Variants in JAML observed in about 807,000 individuals in gnomAD.
The protein encoded by JAML is junctional adhesion molecule-like.
Under a neutral mutation model 39.3 loss-of-function variants are expected in JAML, and 25 were observed. The observed-to-expected ratio is 0.64, with a 90% CI of 0.46 to 0.89. JAML has a LOEUF of 0.89. Among genes scored for constraint, JAML ranks in the 40% least tolerant of loss-of-function variants. JAML has a pLI of 0.00. For synonymous variants in JAML, 162 were observed against 179.2 expected, an observed-to-expected ratio of 0.90 and a Z score of 0.77; for missense variants, 440 against 486.9, an observed-to-expected ratio of 0.90 and a Z score of 0.91.
chr11:118,214,947 A>T (rs570623051), intron 1 of JAML, 61 bp from the exon 2 acceptor site: 8 of 1,488,588 alleles, frequency 5.4e-6, no homozygotes, highest in Non-Finnish European at 7.5e-6. Context: ...AATTTAAAAA[A>T]CCAATAGTGA....
chr11:118,199,418 C>A (rs950366559), intron 7 of JAML, among the ~76,000 whole-genome samples: 3 of 152,094 alleles, frequency 2.0e-5, no homozygotes, highest in Non-Finnish European at 4.4e-5. Flanking sequence ...ACTTAGCAGG[C>A]ACAAGTGTTT....
At chr11:118,203,695 T>G in intron 5 of JAML, 30 bp from the exon 6 acceptor site, 1 of 1,571,948 alleles carries the variant, frequency 6.4e-7, no homozygotes, top group Non-Finnish European at 8.8e-7. Flanking sequence ...AGTATGATAT[T>G]GTGAGGACTG....
chr11:118,195,909 G>T (rs576681761), intron 9 of JAML, among the ~76,000 whole-genome samples: 1 of 151,700 alleles, frequency 6.6e-6, no homozygotes, highest in Non-Finnish European at 1.5e-5. Context: ...TTAGCTCACT[G>T]CAACCTCCAC....
In JAML at chr11:118,200,468, C is replaced by G. The variant is rs1360151197; in HGVS notation, c.911+6G>C. The G allele has an allele frequency of 6.2e-7, 1 of 1,613,896 alleles. No homozygotes were observed. Among genetic ancestry groups the G allele is most frequent in the Non-Finnish European group, 8.5e-7 (1 of 1,180,002 alleles). ...CCCAATCCAAGGGGTGGGGGTAGCCCTGTACCTCTTATTTCCACAGGTCTT... is the reference window on the plus strand; with the variant it reads ...CCCAATCCAAGGGGTGGGGGTAGCCGTGTACCTCTTATTTCCACAGGTCTT... On this transcript the variant is annotated splice_donor_region_variant and intron_variant, in intron 7 of 9. Transcript: ENST00000356289.
In JAML at chr11:118,214,949, C is replaced by A. The variant is rs539632764; in HGVS notation, c.-20-63G>T. 5.4e-6 allele frequency: 8 copies of A among 1,476,798 alleles called. No homozygotes were observed. The East Asian group carries it at 1.6e-4, about 29-fold the overall frequency. The allele number at this position is 1,476,798 out of a possible 1,614,324, so 91.5% of individuals were successfully genotyped here. A position where few individuals can be genotyped will look rare whatever the true frequency, so the allele number is the denominator to read the frequency against. ...AGAGAAGCTCATTAATTTAAAAAAC[C>A]AATAGTGAAGGACTATACGGAGCAG... On this transcript the variant is annotated intron_variant, in intron 1 of 9. Coordinates refer to ENST00000356289, the MANE Select transcript of JAML (RefSeq NM_001098526.2).
intron 1 of JAML, among the ~76,000 whole-genome samples, chr11:118,215,673 C>T (rs1573576): frequency 0.74 from 106,328 of 144,424 alleles, 37,799 homozygotes; most frequent in South Asian, 0.83. Context: ...TCTTATTTTT[C>T]TTTTTAACTT....
chr11:118,216,504 T>G (rs1469192633), intron 1 of JAML, among the ~76,000 whole-genome samples: 1 of 152,160 alleles, frequency 6.6e-6, no homozygotes, highest in Non-Finnish European at 1.5e-5. Flanking sequence ...CACAGAGAAG[T>G]CAGCTGATCT....
At chr11:118,215,627 G>A (rs982153728) in intron 1 of JAML, among the ~76,000 whole-genome samples, 2 of 151,928 alleles carry the variant, frequency 1.3e-5, no homozygotes, top group African/African-American at 2.4e-5. Flanking sequence ...GATTACAGGC[G>A]TGGGCCACTG....
chr11:118,223,835 A>G (rs1038084450), intron 1 of JAML, among the ~76,000 whole-genome samples: 20 of 152,172 alleles, frequency 1.3e-4, no homozygotes, highest in African/African-American at 4.6e-4. Context: ...TTCAGAAAAG[A>G]GACATGCTAC....
At chr11:118,198,450 G>A (rs188066025) in intron 7 of JAML, among the ~76,000 whole-genome samples, 163 of 152,208 alleles carry the variant, frequency 1.1e-3, no homozygotes, top group Non-Finnish European at 2.1e-3. Flanking sequence ...GGACCAGGGA[G>A]TGCCGCGAAA....
chr11:118,210,415 A>G, intron 4 of JAML, 72 bp downstream of exon 4: 2 of 1,460,664 alleles, frequency 1.4e-6, no homozygotes, highest in Non-Finnish European at 1.9e-6. Context: ...TACTCAAGAT[A>G]ATCAGTTTCC....
chr11:118,203,152 A>G, intron 6 of JAML: 2 of 586,946 alleles, frequency 3.4e-6, no homozygotes, highest in South Asian at 3.0e-5. Context: ...GACCCTGGCA[A>G]TGAGTGGGGT....
rs1565483189 is a variant in JAML, at chr11:118,212,551, C to G, written c.54G>C (p.Leu18Phe). 4.3e-6 allele frequency: 7 copies of G among 1,613,942 alleles called. No homozygotes were observed. Among genetic ancestry groups the G allele is most frequent in the Non-Finnish European group, 5.9e-6 (7 of 1,180,010 alleles). The change falls in exon 3 of 10, where the codon TTG becomes TTC. Residue 18 changes from leucine (L) to phenylalanine (F), a missense_variant. Coordinates refer to ENST00000356289, the MANE Select transcript of JAML (RefSeq NM_001098526.2). ...ILLPVLLDYS[L>F]GLNDLNVSPP... ...GGGAAACATTCAAGTCATTCAGGCC[C>G]AAGGAATAATCTATAGAAGTCAAAG...
At chr11:118,199,620 C>G (rs757145964) in intron 7 of JAML, among the ~76,000 whole-genome samples, 4 of 151,968 alleles carry the variant, frequency 2.6e-5, no homozygotes, top group Non-Finnish European at 5.9e-5. Context: ...GTTGGAGCAT[C>G]TGGGCACTTC....
rs377011204 is a variant in JAML, at chr11:118,212,426, G to A, written c.179C>T (p.Ser60Leu). 6.2e-7 allele frequency: 1 copy of A among 1,614,028 alleles called. No individual in the cohort carries two copies. The highest frequency in any genetic ancestry group is 1.1e-5 in the South Asian group (1 of 91,082). Reference protein sequence around the residue: ...KCIFKIDWTLSPGEHAKDEYV... With the variant: ...KCIFKIDWTLLPGEHAKDEYV... ...CGTTACCTTGGCGTGCTCTCCTGGT[G>A]ACAGAGTCCAGTCTATCTTGAATAT... The change falls in exon 3 of 10, where the codon TCA becomes TTA. Residue 60 changes from serine to leucine, a missense_variant. Physicochemically the swap from Ser to Leu is moderately radical, Grantham distance 145. Transcript: ENST00000356289.
chr11:118,214,791 A>G (rs747974374), intron 2 of JAML, 33 bp downstream of exon 2: 1 of 1,609,716 alleles, frequency 6.2e-7, no homozygotes, highest in Non-Finnish European at 8.5e-7. Flanking sequence ...GGAGAAATCA[A>G]ATACCCCACG....
In JAML at chr11:118,222,057, CCAT is replaced by C. The variant is rs1454299151; in HGVS notation, c.-21+2881_-21+2883del. On this transcript the variant is annotated intron_variant, in intron 1 of 9. Coordinates refer to ENST00000356289, the MANE Select transcript of JAML (RefSeq NM_001098526.2). The surrounding 1 kb of genome is among the most constrained non-coding windows in gnomAD (Gnocchi z 4.2). ...TTATAGGATTTTTATTTTGAGAACT[CCAT>C]AGTCAGAAATCAACTTAATTAAAGA... Among the ~76,000 whole-genome samples, 1 of 152,132 alleles carries C rather than the reference CCAT, an allele frequency of 6.6e-6. No homozygotes were observed. The highest frequency in any genetic ancestry group is 1.9e-4 in the East Asian group (1 of 5,194).
chr11:118,213,281 C>T (rs1486617775), intron 2 of JAML: 1 of 1,114,844 alleles, frequency 9.0e-7, no homozygotes, highest in African/African-American at 1.6e-5. Context: ...ACAAGATATG[C>T]TCTATGCAAA....
chr11:118,208,232 T>TA (rs760166176), intron 4 of JAML, among the ~76,000 whole-genome samples: 11 of 50,844 alleles, frequency 2.2e-4, no homozygotes, highest in Non-Finnish European at 3.6e-4. Flanking sequence ...AGACCCCACC[T>TA]AAAAAAAAAA....
Sources: gnomAD v4.1 joint callset for allele counts (sites outside exome capture counted in the v4.1 genomes callset) on GRCh38, gnomAD v4.1.1 for gene constraint, Gnocchi (gnomAD v3.1) non-coding constraint, MANE v1.5 for transcripts, NCBI Gene and HGNC (gene_info 2026-07-23, HGNC 2026-07-21) for gene names.